C12orf42: variants seen among roughly 807,000 people sequenced by gnomAD.
The protein encoded by C12orf42 is uncharacterized protein C12orf42.
C12orf42 carries 25 observed loss-of-function variants against 21.6 expected under a neutral mutation model. That is an observed-to-expected ratio of 1.16 (90% CI 0.84 to 1.62). C12orf42 has a LOEUF of 1.62. C12orf42 is among the 40% of genes most tolerant of loss of function. The pLI, the probability that C12orf42 is intolerant of heterozygous loss-of-function variation, is 0.00. For synonymous variants in C12orf42, 174 were observed against 175.0 expected (o/e 0.99, Z 0.05); for missense variants, 483 against 459.3 (o/e 1.05, Z -0.47).
the C12orf42 span, chr12:103,505,306 C>T: frequency 7.6e-6 from 2 of 263,964 alleles, no homozygotes; most frequent in East Asian, 1.5e-4. Context: ...GTGCACCCTC[C>T]GACCCTTCCA....
At chr12:103,296,923 A>G (rs2037331785) in intron 4 of C12orf42, among the ~76,000 whole-genome samples, 1 of 152,170 alleles carries the variant, frequency 6.6e-6, no homozygotes, top group Admixed American at 6.6e-5. Context: ...TTTAGACATG[A>G]AGTCCTTGCC....
At chr12:103,264,186 A>AGGAGGATTCTAAGTGGAGC (rs1555240022), downstream of C12orf42, among the ~76,000 whole-genome samples, 1 of 151,068 alleles carries the variant, frequency 6.6e-6, no homozygotes, top group African/African-American at 2.5e-5. Context: ...TCAAGAGCTT[A>AGGAGGATTCTAAGTGGAGC]CTCCTCCACT....
the C12orf42 span, among the ~76,000 whole-genome samples, chr12:103,221,556 A>C: frequency 2.6e-5 from 4 of 152,226 alleles, no homozygotes. Flanking sequence ...GACAAAGACT[A>C]TGTCTTCCTT....
At chr12:103,329,921 T>C (rs2041082162) in intron 4 of C12orf42, among the ~76,000 whole-genome samples, 1 of 152,016 alleles carries the variant, frequency 6.6e-6, no homozygotes, top group South Asian at 2.1e-4. Context: ...CTGACATATC[T>C]GTATTATAAC....
chr12:103,389,121 T>G (rs1301768479), intron 3 of C12orf42, among the ~76,000 whole-genome samples: 1 of 152,018 alleles, frequency 6.6e-6, no homozygotes, highest in African/African-American at 2.4e-5. Flanking sequence ...GAGCAGGAAA[T>G]AGGGGCTCTT....
chr12:103,181,702 G>C, the C12orf42 span, among the ~76,000 whole-genome samples: 1 of 152,224 alleles, frequency 6.6e-6, no homozygotes, highest in Non-Finnish European at 1.5e-5. Flanking sequence ...ATTCTACTCT[G>C]TAGCAGGTAC....
intron 2 of C12orf42, among the ~76,000 whole-genome samples, chr12:103,469,339 T>C (rs979577683): frequency 2.6e-5 from 4 of 152,312 alleles, no homozygotes; most frequent in Admixed American, 2.6e-4. Flanking sequence ...ATAAAAATAA[T>C]ACACATTCAT....
intron 10 of C12orf42, among the ~76,000 whole-genome samples, chr12:103,255,309 T>C (rs2034508099): frequency 6.6e-6 from 1 of 151,828 alleles, no homozygotes; most frequent in African/African-American, 2.4e-5. Flanking sequence ...GAGGCAGAGG[T>C]TGTAGTAAGC....
At chr12:103,374,670 A>AAC (rs140104146) in intron 3 of C12orf42, among the ~76,000 whole-genome samples, 92 of 151,748 alleles carry the variant, frequency 6.1e-4, no homozygotes, top group African/African-American at 1.5e-3. Context: ...CCAATGAGAA[A>AAC]ACACACACAC....
intron 4 of C12orf42, among the ~76,000 whole-genome samples, chr12:103,292,700 A>G (rs1207075835): frequency 6.6e-6 from 1 of 152,134 alleles, no homozygotes; most frequent in Admixed American, 6.6e-5. Flanking sequence ...ATTGCTAGGT[A>G]TACTGACTAA....
chr12:103,264,199 G>C (rs1013479457), downstream of C12orf42, among the ~76,000 whole-genome samples: 2 of 152,066 alleles, frequency 1.3e-5, no homozygotes, highest in Non-Finnish European at 2.9e-5. Context: ...CCTCCACTTA[G>C]GAGGATTCTA....
chr12:103,065,116 T>C, the C12orf42 span, among the ~76,000 whole-genome samples: 1 of 152,172 alleles, frequency 6.6e-6, no homozygotes, highest in East Asian at 1.9e-4. Flanking sequence ...ATTGGATCCC[T>C]GGAGGGATTG....
chr12:103,509,638 T>G, the C12orf42 span, among the ~76,000 whole-genome samples: 1 of 152,208 alleles, frequency 6.6e-6, no homozygotes, highest in Non-Finnish European at 1.5e-5. Context: ...AATTCCCGTT[T>G]TGAGCACTGC....
the C12orf42 span, among the ~76,000 whole-genome samples, chr12:103,121,616 C>T: frequency 7.2e-5 from 11 of 152,308 alleles, no homozygotes; most frequent in African/African-American, 1.7e-4. Flanking sequence ...CCAGTGACCA[C>T]GCTATCATCA....
rs1382630653 is a variant in C12orf42 at position 103,302,129 on chromosome 12, C to T, written c.1062G>A (p.Val354=). 19 of 1,612,394 alleles carry T rather than the reference C, an allele frequency of 1.2e-5. No individual in the cohort carries two copies. The highest frequency in any genetic ancestry group is 1.6e-5 in the Non-Finnish European group (19 of 1,179,260). ...GCGGTCAATGTAAGTGAGCATTCAC[C>T]ACCGGCCTAGAAAGGGCCTGTGAAC... ...TVCSQALSRP[V]VNAHLH is the part of the protein sequence containing the mutation. Residue 354 remains valine, a synonymous_variant, in exon 6 of 6, where the codon GTG becomes GTA. Transcript: ENST00000548883.
the C12orf42 span, among the ~76,000 whole-genome samples, chr12:103,160,084 A>C: frequency 3.9e-3 from 595 of 152,324 alleles, 2 homozygotes; most frequent in African/African-American, 0.014. Context: ...GAGTTTGTCA[A>C]AAGTAACTGA....
the C12orf42 span, among the ~76,000 whole-genome samples, chr12:103,111,187 A>G: frequency 6.6e-6 from 1 of 152,224 alleles, no homozygotes; most frequent in African/African-American, 2.4e-5. Flanking sequence ...TGAAAATGAA[A>G]CATTAAAAAA....
chr12:103,350,903 A>T (rs968476638), intron 4 of C12orf42, among the ~76,000 whole-genome samples: 2 of 152,164 alleles, frequency 1.3e-5, no homozygotes, highest in East Asian at 3.9e-4. Context: ...ATATTTCACT[A>T]AAAATTACTG....
intron 4 of C12orf42, among the ~76,000 whole-genome samples, chr12:103,327,398 A>G (rs1445987113): frequency 1.3e-5 from 2 of 152,234 alleles, no homozygotes; most frequent in Non-Finnish European, 1.5e-5. Flanking sequence ...TGCATGTGAC[A>G]TACTGATACA....
Sources: gnomAD v4.1 joint callset for allele counts (sites outside exome capture counted in the v4.1 genomes callset) on GRCh38, gnomAD v4.1.1 for gene constraint, MANE v1.5 for transcripts, NCBI Gene and HGNC (gene_info 2026-07-23, HGNC 2026-07-21) for gene names.